The following WWP1 variants were observed in gnomAD, a reference collection of about 807,000 sequenced individuals.
The protein encoded by WWP1 is NEDD4-like E3 ubiquitin-protein ligase WWP1.
Under a neutral mutation model 130.6 loss-of-function variants are expected in WWP1, and 49 were observed. The observed-to-expected ratio is 0.38, with a 90% confidence interval of 0.30 to 0.48. The LOEUF is 0.48. Among genes scored for constraint, WWP1 ranks in the 20% least tolerant of loss-of-function variants. The pLI is 0.99. For synonymous variants in WWP1, 332 were observed against 367.8 expected (o/e 0.90, Z 1.11); for missense variants, 809 against 1,100.6 (o/e 0.74, Z 3.75).
chr8:86,409,992 T>A (rs915402085), intron 8 of WWP1, among the ~76,000 whole-genome samples: 3 of 152,230 alleles, frequency 2.0e-5, no homozygotes, highest in Non-Finnish European at 2.9e-5. Context: ...TTTTCTTGAA[T>A]GCTTTTGGTT....
chr8:86,367,395 TTCTC>T (rs1181248982), intron 1 of WWP1, among the ~76,000 whole-genome samples: 13 of 152,186 alleles, frequency 8.5e-5, no homozygotes, highest in Non-Finnish European at 1.3e-4. Flanking sequence ...CTTTCTTTCT[TTCTC>T]TTTCTTTCTT....
intron 5 of WWP1, among the ~76,000 whole-genome samples, chr8:86,393,388 C>T (rs1178165472): frequency 6.6e-6 from 1 of 152,012 alleles, no homozygotes; most frequent in Non-Finnish European, 1.5e-5. Flanking sequence ...GCTGGGACTG[C>T]AGGCACGTGC....
At chr8:86,360,048 CAAAAACAAAAAACA>C (rs141938005) in intron 1 of WWP1, among the ~76,000 whole-genome samples, 4 of 146,340 alleles carry the variant, frequency 2.7e-5, no homozygotes, top group Admixed American at 2.0e-4. Context: ...GACTCCCTCT[CAAAAACAAAAAACA>C]AAAAACAAAA....
chr8:86,410,315 A>ATAT (rs1481406098), intron 8 of WWP1, among the ~76,000 whole-genome samples: 1 of 152,312 alleles, frequency 6.6e-6, no homozygotes, highest in Non-Finnish European at 1.5e-5. Context: ...AGGAGGGATG[A>ATAT]TATTAGAACT....
rs56731329 is a variant in WWP1, at chr8:86,445,976, C to CTT, written c.1999-2151_1999-2150dup. On this transcript the variant is annotated intron_variant, in intron 18 of 24. Transcript: ENST00000517970. ...CTTTTCTTTTCTTTTCTTTTCTTTT[C>CTT]TTTTTTTTTTTTTTTTTTTTTTGAG... Among the ~76,000 whole-genome samples the CTT allele has an allele frequency of 2.7e-3, 228 of 84,892 alleles. 6 individuals are homozygous for CTT. Among genetic ancestry groups the CTT allele is most frequent in the African/African-American group, 4.6e-3 (107 of 23,308 alleles). The allele number at this position is 84,892 out of a possible 152,430, so 55.7% of individuals were successfully genotyped here.
chr8:86,426,790 A>G (rs1809648964), intron 10 of WWP1, among the ~76,000 whole-genome samples: 2 of 152,236 alleles, frequency 1.3e-5, no homozygotes, highest in Admixed American at 6.5e-5. Context: ...CAGTTAACTC[A>G]TTCTGAACAT....
chr8:86,360,819 T>C (rs73688823), intron 1 of WWP1, among the ~76,000 whole-genome samples: 2 of 152,040 alleles, frequency 1.3e-5, no homozygotes, highest in Non-Finnish European at 2.9e-5. Flanking sequence ...ACAGATAAAA[T>C]AGGGCAAGGT....
intron 3 of WWP1, among the ~76,000 whole-genome samples, chr8:86,377,253 T>G (rs997769802): frequency 2.2e-4 from 6 of 27,510 alleles, no homozygotes; most frequent in Non-Finnish European, 3.7e-4. Context: ...TCCTGTCTAA[T>G]TTTTTTTTTT....
At chr8:86,423,374 T>A (rs1485403816) in intron 9 of WWP1, among the ~76,000 whole-genome samples, 1 of 152,124 alleles carries the variant, frequency 6.6e-6, no homozygotes, top group African/African-American at 2.4e-5. Context: ...CCCTGCGGCC[T>A]TCCACAGTGT....
At chr8:86,404,228 A>T (rs1808153970) in intron 8 of WWP1, among the ~76,000 whole-genome samples, 1 of 152,212 alleles carries the variant, frequency 6.6e-6, no homozygotes. Flanking sequence ...AATCTGAAAC[A>T]TTTCTGGTTC....
In WWP1 at chr8:86,447,171, G is replaced by GC. The variant is rs540835158; in HGVS notation, c.1999-975dup. Among the ~76,000 whole-genome samples the GC allele has an allele frequency of 6.6e-5, 10 of 152,350 alleles. No homozygotes were observed. In the South Asian group the frequency reaches 1.2e-3, roughly 19 times the overall value. On this transcript the variant is annotated intron_variant, in intron 18 of 24. Transcript: ENST00000517970. ...TTATGCATTTCTAGCATGTTCCATT[G>GC]CCTAGGTACAGGCATTGAGTAACCT...
chr8:86,448,693 AT>A (rs1312871146), intron 20 of WWP1, among the ~76,000 whole-genome samples, 180 bp downstream of exon 20: 1 of 152,110 alleles, frequency 6.6e-6, no homozygotes, highest in African/African-American at 2.4e-5. Context: ...TGCTGTAACC[AT>A]TCTACCATTT....
At chr8:86,382,085 AT>A (rs764186098) in intron 5 of WWP1, among the ~76,000 whole-genome samples, 57 of 152,106 alleles carry the variant, frequency 3.7e-4, no homozygotes, top group Non-Finnish European at 6.9e-4. Flanking sequence ...ATTTTCTATA[AT>A]TTTACTATCC....
At chr8:86,454,904 A>G (rs1811357363) in intron 21 of WWP1, among the ~76,000 whole-genome samples, 1 of 152,076 alleles carries the variant, frequency 6.6e-6, no homozygotes, top group African/African-American at 2.4e-5. Flanking sequence ...AAGAGTGCTA[A>G]TCAATTAAGA....
At position 86,374,086 on chromosome 8, in the gene WWP1, T is replaced by C. The variant is rs1298934408; in HGVS notation, c.36T>C (p.Asn12=). ...ATASPRSDTS[N]NHSGRLQLQV... ...CTTCACCAAGGTCTGATACTAGTAATAACCACAGTGGAAGGTTGCAGTTAC... is the reference window on the plus strand; with the variant it reads ...CTTCACCAAGGTCTGATACTAGTAACAACCACAGTGGAAGGTTGCAGTTAC... Residue 12 remains asparagine, a synonymous_variant, in exon 3 of 25, where the codon AAT becomes AAC. Coordinates refer to ENST00000517970, the MANE Select transcript of WWP1 (RefSeq NM_007013.4). 1 of 1,610,926 alleles carries C rather than the reference T, an allele frequency of 6.2e-7. No homozygotes were observed. The highest frequency in any genetic ancestry group is 1.3e-5 in the African/African-American group (1 of 74,700).
chr8:86,454,545 T>C (rs1811339106), intron 21 of WWP1, among the ~76,000 whole-genome samples: 1 of 152,118 alleles, frequency 6.6e-6, no homozygotes, highest in African/African-American at 2.4e-5. Flanking sequence ...TATTAATCTT[T>C]TTAAAAACCA....
intron 9 of WWP1, among the ~76,000 whole-genome samples, chr8:86,414,886 C>A (rs946012413): frequency 1.2e-5 from 1 of 81,554 alleles, no homozygotes; most frequent in Non-Finnish European, 2.5e-5. Flanking sequence ...GAATCCCCCC[C>A]CCATCCCCCC....
At chr8:86,415,652 C>T (rs1001135820) in intron 9 of WWP1, among the ~76,000 whole-genome samples, 1 of 152,144 alleles carries the variant, frequency 6.6e-6, no homozygotes, top group African/African-American at 2.4e-5. Context: ...ATTAATATCA[C>T]CCTAGAAAGT....
At chr8:86,444,435 G>T (rs532116379) in intron 18 of WWP1, among the ~76,000 whole-genome samples, 6 of 152,308 alleles carry the variant, frequency 3.9e-5, no homozygotes, top group Admixed American at 2.6e-4. Flanking sequence ...GGAATTCTTG[G>T]CACATAGAGA....
Sources: gnomAD v4.1 joint callset for allele counts (sites outside exome capture counted in the v4.1 genomes callset) on GRCh38, gnomAD v4.1.1 for gene constraint, MANE v1.5 for transcripts, NCBI Gene and HGNC (gene_info 2026-07-23, HGNC 2026-07-21) for gene names.